Variants in CA10 observed in about 807,000 individuals in gnomAD.
CA10 encodes the protein carbonic anhydrase-related protein 10.
Under a neutral mutation model 44.2 loss-of-function variants are expected in CA10, and 14 were observed. The ratio of observed to expected loss-of-function variants is 0.32; its 90% CI spans 0.21 to 0.50. The LOEUF is 0.50. CA10 is among the 20% of genes least tolerant of loss of function. The pLI is 0.99. For missense variants in CA10, 350 were observed against 409.7 expected (o/e 0.85, Z 1.26); for synonymous variants, 159 against 141.6 (o/e 1.12, Z -0.87).
At chr17:51,997,959 T>A (rs1050910765) in intron 2 of CA10, among the ~76,000 whole-genome samples, 6 of 152,026 alleles carry the variant, frequency 3.9e-5, no homozygotes, top group African/African-American at 7.2e-5. Flanking sequence ...GTGATAACCC[T>A]AAGGTCACTT....
intron 2 of CA10, among the ~76,000 whole-genome samples, chr17:51,941,858 T>C (rs1983088976): frequency 6.6e-6 from 1 of 152,134 alleles, no homozygotes. Context: ...CTGCAAAACA[T>C]CTGGATATCA....
intron 2 of CA10, among the ~76,000 whole-genome samples, chr17:52,014,520 G>A (rs1263317042): frequency 1.3e-5 from 2 of 151,994 alleles, no homozygotes; most frequent in South Asian, 2.1e-4. Context: ...ATAAAATTTA[G>A]AGAGAAGTAT....
intron 4 of CA10, among the ~76,000 whole-genome samples, chr17:51,692,611 C>T (rs1915251214): frequency 1.3e-5 from 2 of 152,160 alleles, no homozygotes; most frequent in South Asian, 4.1e-4. Context: ...ACATCCTTGT[C>T]TTGTTCCAGC....
At chr17:51,909,256 G>T (rs1981692215) in intron 3 of CA10, among the ~76,000 whole-genome samples, 1 of 152,100 alleles carries the variant, frequency 6.6e-6, no homozygotes, top group Non-Finnish European at 1.5e-5. Flanking sequence ...AAAGATGACT[G>T]GATGTCATCC....
intron 3 of CA10, among the ~76,000 whole-genome samples, chr17:51,799,811 G>T (rs903001041): frequency 6.6e-6 from 1 of 152,212 alleles, no homozygotes; most frequent in African/African-American, 2.4e-5. Context: ...CCCACAGTGA[G>T]ATGCCATTTC....
At chr17:51,954,667 T>C (rs1477604140) in intron 2 of CA10, among the ~76,000 whole-genome samples, 1 of 152,184 alleles carries the variant, frequency 6.6e-6, no homozygotes, top group Non-Finnish European at 1.5e-5. Flanking sequence ...TGGAATAAAG[T>C]CCTGATCAGA....
chr17:51,925,965 T>G (rs944490354), intron 3 of CA10, among the ~76,000 whole-genome samples: 51 of 152,270 alleles, frequency 3.3e-4, no homozygotes, highest in African/African-American at 1.2e-3. Flanking sequence ...TCTTGTTTAC[T>G]GGGTACAGAG....
chr17:51,797,807 C>T (rs746407700), intron 3 of CA10, among the ~76,000 whole-genome samples: 5 of 139,250 alleles, frequency 3.6e-5, no homozygotes, highest in South Asian at 2.3e-4. Flanking sequence ...GCGGAGATTG[C>T]GCCACTGCAC....
chr17:51,955,845 G>C (rs944551345), intron 2 of CA10, among the ~76,000 whole-genome samples: 14 of 151,870 alleles, frequency 9.2e-5, no homozygotes, highest in Non-Finnish European at 1.9e-4. Context: ...GGGGAAAGGG[G>C]AGGGAGAGCA....
intron 2 of CA10, among the ~76,000 whole-genome samples, chr17:51,998,360 T>C (rs1985308292): frequency 1.3e-5 from 2 of 152,092 alleles, no homozygotes; most frequent in Admixed American, 1.3e-4. Flanking sequence ...CAGAAAAGAA[T>C]GGGATACAAG....
At chr17:52,001,876 G>A (rs926023974) in intron 2 of CA10, among the ~76,000 whole-genome samples, 15 of 152,044 alleles carry the variant, frequency 9.9e-5, no homozygotes, top group African/African-American at 2.6e-4. Context: ...ATGTTACAGC[G>A]AAGTCATTGT....
intron 2 of CA10, among the ~76,000 whole-genome samples, chr17:51,988,360 G>A (rs1984920058): frequency 6.6e-6 from 1 of 151,846 alleles, no homozygotes; most frequent in Non-Finnish European, 1.5e-5. Flanking sequence ...CAGTAAGATA[G>A]GAGAAAAACC....
intron 3 of CA10, among the ~76,000 whole-genome samples, chr17:51,794,419 C>A (rs770349643): frequency 6.6e-6 from 1 of 152,132 alleles, no homozygotes; most frequent in South Asian, 2.1e-4. Flanking sequence ...GCGGAGACTA[C>A]GTCATTTTAC....
At chr17:51,713,592 G>A (rs904882837) in intron 4 of CA10, among the ~76,000 whole-genome samples, 3 of 152,212 alleles carry the variant, frequency 2.0e-5, no homozygotes, top group Non-Finnish European at 4.4e-5. Context: ...ACTTACTAGA[G>A]CAAAGGGTAG....
chr17:52,105,601 C>A (rs1692364695), intron 1 of CA10, among the ~76,000 whole-genome samples: 2 of 152,206 alleles, frequency 1.3e-5, no homozygotes, highest in Non-Finnish European at 2.9e-5. Context: ...TTACCCGCTT[C>A]TTCACCTACA....
At chr17:51,886,480 A>G (rs1313671399) in intron 3 of CA10, among the ~76,000 whole-genome samples, 1 of 152,186 alleles carries the variant, frequency 6.6e-6, no homozygotes, top group Non-Finnish European at 1.5e-5. Context: ...TAGAATTTGC[A>G]CTGGCAATAA....
intron 2 of CA10, among the ~76,000 whole-genome samples, chr17:51,934,985 G>A (rs1340428949): frequency 6.6e-6 from 1 of 152,134 alleles, no homozygotes; most frequent in Non-Finnish European, 1.5e-5. Context: ...ATGGGAGTCA[G>A]ATGGCCCACT....
intron 2 of CA10, among the ~76,000 whole-genome samples, chr17:52,055,514 A>G (rs912958177): frequency 1.3e-5 from 2 of 152,142 alleles, no homozygotes; most frequent in Non-Finnish European, 2.9e-5. Context: ...AGTTGATATT[A>G]GAACAGCATG....
chr17:51,879,056 A>T (rs1465447511), intron 3 of CA10, among the ~76,000 whole-genome samples: 2 of 151,298 alleles, frequency 1.3e-5, no homozygotes, highest in African/African-American at 4.8e-5. Flanking sequence ...ATACTATATA[A>T]CTTTGTGACT....
Sources: gnomAD v4.1 joint callset for allele counts (sites outside exome capture counted in the v4.1 genomes callset) on GRCh38, gnomAD v4.1.1 for gene constraint, MANE v1.5 for transcripts, NCBI Gene and HGNC (gene_info 2026-07-23, HGNC 2026-07-21) for gene names.